MARCO: variants seen among roughly 807,000 people sequenced by gnomAD.
MARCO encodes macrophage receptor with collagenous structure.
A neutral mutation model predicts 70.0 loss-of-function variants in MARCO; 72 were observed. That is an observed-to-expected ratio of 1.03 (90% CI 0.85 to 1.25). The LOEUF is 1.25. Ranked by LOEUF, MARCO falls within the 50% of genes most tolerant of loss-of-function variation. The probability of loss-of-function intolerance (pLI) is 0.00; values close to 1 mark genes in which losing one functional copy is unlikely to be tolerated. For synonymous variants in MARCO, 273 were observed against 243.1 expected (o/e 1.12, Z -1.14); for missense variants, 696 against 659.3 (o/e 1.06, Z -0.61).
intron 1 of MARCO, among the ~76,000 whole-genome samples, chr2:118,968,099 T>C (rs748827605): frequency 2.6e-5 from 4 of 152,174 alleles, no homozygotes; most frequent in Non-Finnish European, 5.9e-5. Context: ...TTAGAGATGA[T>C]GTTGGTAAAT....
Position 118,978,052 on chromosome 2 carries a change from A to G in MARCO, c.766+117A>G, listed in dbSNP as rs569425632. On this transcript the variant is annotated intron_variant, in intron 8 of 16. Transcript: ENST00000327097. The stretch of plus-strand genomic sequence containing the variant: ...CTGAGGGCAAGGCAGTGCTCTGTCT[A>G]TGGGAATCTCTGGAGCACCACACAT... The G allele has an allele frequency of 6.4e-6, 4 of 624,432 alleles. No homozygotes were observed. The East Asian group carries it at 8.3e-5, about 13-fold the overall frequency. The allele number at this position is 624,432 out of a possible 1,614,324, so 38.7% of individuals were successfully genotyped here.
chr2:118,980,679 G>A (rs1898996), intron 8 of MARCO, among the ~76,000 whole-genome samples: 19,447 of 152,176 alleles, frequency 0.13, 1,380 homozygotes, highest in South Asian at 0.27. Context: ...GGGGAGTGGA[G>A]TTGAGCACGG....
chr2:118,991,819 C>CA lies in MARCO; in HGVS notation c.1152dup (p.Gly385ArgfsTer32), dbSNP rs762821199. 11 of 1,600,080 alleles carry CA rather than the reference C, an allele frequency of 6.9e-6. No homozygotes were observed. Among genetic ancestry groups the CA allele is most frequent in the Non-Finnish European group, 9.4e-6 (11 of 1,174,592 alleles). On this transcript the variant is annotated frameshift_variant, in exon 14 of 17. Coordinates refer to ENST00000327097, the MANE Select transcript of MARCO (RefSeq NM_006770.4). LOFTEE classifies it high-confidence loss of function. ...GGAGAACAGGGGAGCCCAGGGCTGGCAGGTCCCAAGGGAGCCCCTGGACAA... is the reference window on the plus strand; with the variant it reads ...GGAGAACAGGGGAGCCCAGGGCTGGCAAGGTCCCAAGGGAGCCCCTGGACAA...
chr2:118,992,893 A>G lies in MARCO; in HGVS notation c.1253-231A>G, dbSNP rs561729453. 246 of 507,078 alleles carry G rather than the reference A, an allele frequency of 4.9e-4. 1 individual carries two copies. In the East Asian group the frequency reaches 7.6e-3, roughly 16 times the overall value. 31.4% of individuals were successfully genotyped at this position (507,078 alleles called of 1,614,324 possible). ...GGTGTATGCGATTTGCAAACCAGCCACAGGGGCACCTGCCCCTGTGGCCTT... is the reference window on the plus strand; with the variant it reads ...GGTGTATGCGATTTGCAAACCAGCCGCAGGGGCACCTGCCCCTGTGGCCTT... On this transcript the variant is annotated intron_variant, in intron 15 of 16. Coordinates refer to ENST00000327097, the MANE Select transcript of MARCO (RefSeq NM_006770.4).
At chr2:118,989,016 A>G (rs563029206) in intron 12 of MARCO, among the ~76,000 whole-genome samples, 1 of 152,346 alleles carries the variant, frequency 6.6e-6, no homozygotes, top group East Asian at 1.9e-4. Flanking sequence ...CAGAGCAGGG[A>G]CACCTGGCTC....
At chr2:118,974,279 T>C in intron 4 of MARCO, 54 bp from the exon 5 acceptor site, 1 of 1,039,564 alleles carries the variant, frequency 9.6e-7, no homozygotes, top group Non-Finnish European at 1.5e-6. Context: ...TTGCATGGCG[T>C]TGTTGCCCCA....
At chr2:118,981,019 A>G (rs1239717571) in intron 8 of MARCO, among the ~76,000 whole-genome samples, 1 of 152,188 alleles carries the variant, frequency 6.6e-6, no homozygotes, top group Non-Finnish European at 1.5e-5. Flanking sequence ...CAGAGTTGCT[A>G]TTCTCAGCAT....
chr2:118,992,814 C>CCTTCT (rs1240388030), intron 15 of MARCO, among the ~76,000 whole-genome samples: 1 of 151,496 alleles, frequency 6.6e-6, no homozygotes, highest in Non-Finnish European at 1.5e-5. Flanking sequence ...TTCCTTCCTT[C>CCTTCT]CTTCTCTTTT....
intron 12 of MARCO, 30 bp from the exon 13 acceptor site, chr2:118,990,558 CT>C (rs1310093170): frequency 1.3e-6 from 2 of 1,562,502 alleles, no homozygotes; most frequent in Non-Finnish European, 1.7e-6. Context: ...TTATTATCTC[CT>C]CCCCCCCCCC....
At chr2:118,945,218 G>A (rs1352980530) in intron 1 of MARCO, among the ~76,000 whole-genome samples, 1 of 152,026 alleles carries the variant, frequency 6.6e-6, no homozygotes, top group Non-Finnish European at 1.5e-5. Flanking sequence ...GGATTTACCT[G>A]TTGGCAATAT....
At position 118,971,705 on chromosome 2, in the gene MARCO, C is replaced by G. The variant is rs536155977; in HGVS notation, c.460+171C>G. 8.5e-5 allele frequency among the ~76,000 whole-genome samples: 13 copies of G among 152,224 alleles called. 1 individual carries two copies. Among genetic ancestry groups the G allele is most frequent in the Non-Finnish European group, 1.8e-4 (12 of 68,044 alleles). On this transcript the variant is annotated intron_variant, in intron 4 of 16. Transcript: ENST00000327097. ...TCTCCTCTCTGTTCCCAGAACTTAA[C>G]TGGACTCCCAGACCCTGGGCTGTCA...
intron 10 of MARCO, 134 bp downstream of exon 10, chr2:118,981,790 G>C: frequency 1.1e-6 from 1 of 932,842 alleles, no homozygotes; most frequent in South Asian, 1.5e-5. Context: ...TTAGACATCT[G>C]GCCCTGGCCA....
chr2:118,973,178 T>C (rs1024110506), intron 4 of MARCO, among the ~76,000 whole-genome samples: 1 of 151,566 alleles, frequency 6.6e-6, no homozygotes, highest in African/African-American at 2.4e-5. Flanking sequence ...TATAGATGTA[T>C]GTACACAGAG....
chr2:118,957,921 G>A (rs2104560073), intron 1 of MARCO, among the ~76,000 whole-genome samples: 1 of 152,108 alleles, frequency 6.6e-6, no homozygotes, highest in South Asian at 2.1e-4. Flanking sequence ...TTCAATAGAT[G>A]CAGAAAAAGC....
At chr2:118,946,428 G>T (rs1159885090) in intron 1 of MARCO, among the ~76,000 whole-genome samples, 1 of 152,110 alleles carries the variant, frequency 6.6e-6, no homozygotes, top group African/African-American at 2.4e-5. Context: ...TACACAGTAT[G>T]TGACTTCTTT....
chr2:118,952,312 C>T (rs889693437), intron 1 of MARCO, among the ~76,000 whole-genome samples: 4 of 152,098 alleles, frequency 2.6e-5, no homozygotes, highest in African/African-American at 9.7e-5. Flanking sequence ...TCTGAAGGTC[C>T]CTTGCACACT....
intron 1 of MARCO, among the ~76,000 whole-genome samples, chr2:118,948,116 T>C (rs1224251877): frequency 6.6e-6 from 1 of 152,230 alleles, no homozygotes; most frequent in African/African-American, 2.4e-5. Context: ...TAGAAATAGA[T>C]AATTGGTGCC....
At chr2:118,977,060 A>G (rs1680295674) in intron 6 of MARCO, among the ~76,000 whole-genome samples, 1 of 152,164 alleles carries the variant, frequency 6.6e-6, no homozygotes, top group Admixed American at 6.5e-5. Context: ...CTTGGTAACT[A>G]ATCTAGTCTC....
At chr2:118,974,027 C>T (rs563805475) in intron 4 of MARCO, among the ~76,000 whole-genome samples, 57 of 152,286 alleles carry the variant, frequency 3.7e-4, no homozygotes, top group Non-Finnish European at 7.3e-4. Flanking sequence ...AATTAGTACA[C>T]TAATTCCATC....
Sources: gnomAD v4.1 joint callset for allele counts (sites outside exome capture counted in the v4.1 genomes callset) on GRCh38, gnomAD v4.1.1 for gene constraint, MANE v1.5 for transcripts, NCBI Gene and HGNC (gene_info 2026-07-23, HGNC 2026-07-21) for gene names.